Variants in MIA observed in about 807,000 individuals in gnomAD.
MIA encodes melanoma-derived growth regulatory protein.
In MIA, 18 loss-of-function variants were observed where a neutral mutation model predicts 18.5. The ratio of observed to expected loss-of-function variants is 0.97; its 90% CI spans 0.67 to 1.44. The LOEUF (loss-of-function observed/expected upper bound fraction) is 1.44. Ranked by LOEUF, MIA falls within the 40% of genes most tolerant of loss-of-function variation. The probability of loss-of-function intolerance (pLI) is 0.00; values close to 1 mark genes in which losing one functional copy is unlikely to be tolerated. For missense variants in MIA, 158 were observed against 172.4 expected (o/e 0.92, Z 0.47); for synonymous variants, 55 against 64.9 (o/e 0.85, Z 0.74).
At chr19:40,775,494 A>G (rs1258053726), upstream of MIA, 1 of 1,611,354 alleles carries the variant, frequency 6.2e-7, no homozygotes, top group South Asian at 1.1e-5. Context: ...AGGGGAGGAA[A>G]TTGGAGACCC....
chr19:40,775,452 A>G, upstream of MIA: 1 of 1,588,130 alleles, frequency 6.3e-7, no homozygotes, highest in Non-Finnish European at 8.6e-7. Context: ...AAGACCAAGA[A>G]CACAAGTTTC....
At chr19:40,775,513 C>A, upstream of MIA, 4 of 1,613,532 alleles carry the variant, frequency 2.5e-6, no homozygotes, top group Non-Finnish European at 3.4e-6. Flanking sequence ...CCCAGCACCC[C>A]CTTGCTCACT....
At position 40,775,890 on chromosome 19, in the gene MIA, G is replaced by A. The variant is rs768329055; in HGVS notation, c.261+5G>A. 7.4e-6 allele frequency: 12 copies of A among 1,613,816 alleles called. No homozygotes were observed. Among genetic ancestry groups the A allele is most frequent in the Non-Finnish European group, 9.3e-6 (11 of 1,179,962 alleles). ...CGGCTCTTCTGGGGAGGCAGCGTGA[G>A]TCTTGGGAGAGTGAAAGAGGGAAGG... On this transcript the variant is annotated splice_donor_5th_base_variant and intron_variant, in intron 2 of 3. Transcript: ENST00000263369.
At position 40,777,430 on chromosome 19, in the gene MIA, A is replaced by G; in HGVS notation, c.*10A>G. On this transcript the variant is annotated 3_prime_UTR_variant, in exon 4 of 4. Transcript: ENST00000263369. ...TTTCTACTGCCAGTGAGCTCAGCCT[A>G]CCGCTGGCCCTGCCGTTTCCCCTCC... is the stretch of plus-strand genomic sequence containing the variant. 6.3e-7 allele frequency: 1 copy of G among 1,598,710 alleles called. No individual in the cohort carries two copies. Among genetic ancestry groups the G allele is most frequent in the South Asian group, 1.1e-5 (1 of 90,700 alleles).
chr19:40,775,745 T>G lies in MIA; in HGVS notation c.128-7T>G, dbSNP rs1474393744. On this transcript the variant is annotated splice_region_variant and splice_polypyrimidine_tract_variant and intron_variant, in intron 1 of 3. Transcript: ENST00000263369. ...GGGTGCTGCATTCCCTTCTATTCCTTCCCTAGACCCTATCTCCATGGCTGT... is the reference window on the plus strand; with the variant it reads ...GGGTGCTGCATTCCCTTCTATTCCTGCCCTAGACCCTATCTCCATGGCTGT... 6.2e-7 allele frequency: 1 copy of G among 1,614,014 alleles called. No individual in the cohort carries two copies. Among genetic ancestry groups the G allele is most frequent in the South Asian group, 1.1e-5 (1 of 91,072 alleles).
Position 40,777,081 on chromosome 19 carries a change from T to A in MIA, c.372+2T>A. On this transcript the variant is annotated splice_donor_variant, in intron 3 of 3. Coordinates refer to ENST00000263369, the MANE Select transcript of MIA (RefSeq NM_006533.4). LOFTEE classifies it high-confidence loss of function. ...GGCAAAGTCGATGTGAAGACAGACG[T>A]GAGTGTCATGGGGGCTGGCAAGAAA... The A allele has an allele frequency of 6.2e-7, 1 of 1,609,650 alleles. No homozygotes were observed. The highest frequency in any genetic ancestry group is 8.5e-7 in the Non-Finnish European group (1 of 1,177,686).
chr19:40,777,011 TATTTCCCCAGTAGC>T lies in MIA; in HGVS notation c.308_321del (p.Phe103CysfsTer?), dbSNP rs1336700186. The T allele has an allele frequency of 1.2e-6, 2 of 1,613,776 alleles. No homozygotes were observed. The highest frequency in any genetic ancestry group is 2.7e-5 in the African/African-American group (2 of 74,934). On this transcript the variant is annotated frameshift_variant, in exon 3 of 4. Transcript: ENST00000263369. LOFTEE classifies it high-confidence loss of function. ...TGGAGATCTGGCTGCTCGCCTGGGCTATTTCCCCAGTAGCATTGTCCGAGAGGACCAGACCCTGA... is the reference window on the plus strand; with the variant it reads ...TGGAGATCTGGCTGCTCGCCTGGGCTATTGTCCGAGAGGACCAGACCCTGA...
Position 40,777,073 on chromosome 19 carries a change from G to T in MIA, c.366G>T (p.Lys122Asn). Residue 122 changes from lysine to asparagine, a missense_variant, in exon 3 of 4, where the codon AAG becomes AAT. Coordinates refer to ENST00000263369, the MANE Select transcript of MIA (RefSeq NM_006533.4). ...QTLKPGKVDV[K>N]TDKWDFYCQ ...TGAAACCTGGCAAAGTCGATGTGAA[G>T]ACAGACGTGAGTGTCATGGGGGCTG... The T allele has an allele frequency of 6.2e-7, 1 of 1,611,830 alleles. No homozygotes were observed. The highest frequency in any genetic ancestry group is 8.5e-7 in the Non-Finnish European group (1 of 1,179,224).
At position 40,775,873 on chromosome 19, in the gene MIA, C is replaced by G; in HGVS notation, c.249C>G (p.Phe83Leu). 1 of 1,613,886 alleles carries G rather than the reference C, an allele frequency of 6.2e-7. No individual in the cohort carries two copies. Among genetic ancestry groups the G allele is most frequent in the Non-Finnish European group, 8.5e-7 (1 of 1,179,990 alleles). ...AGCTGAAGGGCCGTGGGCGGCTCTT[C>G]TGGGGAGGCAGCGTGAGTCTTGGGA... ...FSKLKGRGRL[F>L]WGGSVQGDYY... The change falls in exon 2 of 4, where the codon TTC becomes TTG. Residue 83 changes from phenylalanine (F) to leucine (L), a missense_variant. Transcript: ENST00000263369.
chr19:40,776,817 G>T (rs1438673275), intron 2 of MIA, 152 bp from the exon 3 acceptor site: 3 of 580,762 alleles, frequency 5.2e-6, no homozygotes, highest in Non-Finnish European at 9.2e-6. Flanking sequence ...TGTTCAGAAA[G>T]GGCCTCTGAA....
At chr19:40,776,844 T>G in intron 2 of MIA, 125 bp from the exon 3 acceptor site, 41 of 637,180 alleles carry the variant, frequency 6.4e-5, no homozygotes, top group Non-Finnish European at 8.8e-5. Context: ...GCATTTAAGC[T>G]GAGATTCATA....
chr19:40,775,796 G>C lies in MIA; in HGVS notation c.172G>C (p.Asp58His). 5 of 1,614,020 alleles carry C rather than the reference G, an allele frequency of 3.1e-6. No homozygotes were observed. Among genetic ancestry groups the C allele is most frequent in the Non-Finnish European group, 4.2e-6 (5 of 1,180,016 alleles). ...AVALQDYMAP[D>H]CRFLTIHRGQ... ...GGCCCTTCAGGACTACATGGCCCCC[G>C]ACTGCCGATTCCTGACCATTCACCG... is the stretch of plus-strand genomic sequence containing the variant. The change falls in exon 2 of 4, where the codon GAC becomes CAC. Residue 58 changes from aspartate to histidine, a missense_variant. Physicochemically the swap from Asp to His is moderately conservative, Grantham distance 81. Transcript: ENST00000263369.
intron 3 of MIA, 21 bp from the exon 4 acceptor site, chr19:40,777,376 T>C (rs1297172340): frequency 1.2e-6 from 2 of 1,613,684 alleles, no homozygotes; most frequent in Non-Finnish European, 1.7e-6. Flanking sequence ...CTTTCCACTG[T>C]TTCCCCTTTC....
chr19:40,776,997 C>T lies in MIA; in HGVS notation c.290C>T (p.Ala97Val). 2 of 1,613,774 alleles carry T rather than the reference C, an allele frequency of 1.2e-6. No individual in the cohort carries two copies. The highest frequency in any genetic ancestry group is 1.7e-6 in the Non-Finnish European group (2 of 1,179,924). Residue 97 changes from alanine (A) to valine (V), a missense_variant, in exon 3 of 4, where the codon GCT becomes GTT. Ala to Val is a moderately conservative substitution (Grantham distance 64, BLOSUM62 0). Transcript: ENST00000263369. ...CAGGGAGATTACTATGGAGATCTGG[C>T]TGCTCGCCTGGGCTATTTCCCCAGT... ...SVQGDYYGDL[A>V]ARLGYFPSSI...
intron 2 of MIA, among the ~76,000 whole-genome samples, 176 bp downstream of exon 2, chr19:40,776,061 C>T (rs957515523): frequency 5.3e-5 from 8 of 152,094 alleles, no homozygotes; most frequent in Admixed American, 5.2e-4. Flanking sequence ...GAGTCTTGCT[C>T]TGTCACCCAG....
At chr19:40,776,586 A>AT in intron 2 of MIA, among the ~76,000 whole-genome samples, 1 of 152,104 alleles carries the variant, frequency 6.6e-6, no homozygotes, top group East Asian at 1.9e-4. Flanking sequence ...ATAAAAAAAA[A>AT]TTTAAAATTA....
Position 40,777,485 on chromosome 19 carries a change from T to G in MIA, c.*65T>G, listed in dbSNP as rs1257655681. On this transcript the variant is annotated 3_prime_UTR_variant, in exon 4 of 4. Transcript: ENST00000263369. ...CTTTATGCAAATACAATCAGCCCAG[T>G]GCAAACGGCTCGTCTCCGTGGTCTT... 3.5e-5 allele frequency: 50 copies of G among 1,425,182 alleles called. No homozygotes were observed. Among genetic ancestry groups the G allele is most frequent in the Non-Finnish European group, 2.0e-6 (2 of 1,015,160 alleles). The allele number at this position is 1,425,182 out of a possible 1,614,324, so 88.3% of individuals were successfully genotyped here. A position where few individuals can be genotyped will look rare whatever the true frequency, so the allele number is the denominator to read the frequency against.
At chr19:40,776,131 AT>A (rs781509635) in intron 2 of MIA, among the ~76,000 whole-genome samples, 14 of 152,222 alleles carry the variant, frequency 9.2e-5, no homozygotes, top group Non-Finnish European at 1.9e-4. Context: ...GGTTTAAGCG[AT>A]TCTCCTGCCT....
intron 3 of MIA, 96 bp downstream of exon 3, chr19:40,777,175 T>A: frequency 8.5e-7 from 1 of 1,179,162 alleles, no homozygotes; most frequent in Non-Finnish European, 1.3e-6. Flanking sequence ...CCTGGCAGCC[T>A]AGGTATGTGC....
Sources: allele counts gnomAD v4.1 joint callset (sites outside exome capture counted in the v4.1 genomes callset), GRCh38; gene constraint gnomAD v4.1.1; transcripts MANE v1.5; gene names NCBI Gene and HGNC (gene_info 2026-07-23, HGNC 2026-07-21).